Variants in EVL observed in about 807,000 individuals in gnomAD.
EVL encodes ena/VASP-like protein.
In EVL, 21 loss-of-function variants were observed where a neutral mutation model predicts 59.6. The observed-to-expected ratio is 0.35, with a 90% CI of 0.25 to 0.51. EVL has a LOEUF of 0.51. EVL is among the 20% of genes least tolerant of loss of function. EVL has a pLI of 0.97. For missense variants in EVL, 462 were observed against 546.6 expected (o/e 0.85, Z 1.54); for synonymous variants, 198 against 203.5 (o/e 0.97, Z 0.23).
chr14:100,095,676 G>T (rs1485545294), intron 2 of EVL, among the ~76,000 whole-genome samples: 1 of 152,196 alleles, frequency 6.6e-6, no homozygotes, highest in Non-Finnish European at 1.5e-5. Context: ...GCCAAAATAT[G>T]TGCCTGTCAA....
At chr14:99,990,871 G>C (rs1000065906) in intron 1 of EVL, among the ~76,000 whole-genome samples, 2 of 151,980 alleles carry the variant, frequency 1.3e-5, no homozygotes, top group South Asian at 4.2e-4. Flanking sequence ...ATACATACCC[G>C]GAAATGGTTC....
At chr14:99,979,794 G>C (rs927184707) in intron 1 of EVL, among the ~76,000 whole-genome samples, 1 of 152,166 alleles carries the variant, frequency 6.6e-6, no homozygotes, top group Non-Finnish European at 1.5e-5. Context: ...GTGCGAACCC[G>C]GGAGGCAGAG....
In EVL at chr14:99,988,628, T is replaced by C. The variant is rs895391386; in HGVS notation, c.5+16571T>C. Among the ~76,000 whole-genome samples, 9 of 152,322 alleles carry C rather than the reference T, an allele frequency of 5.9e-5. No individual in the cohort carries two copies. The South Asian group carries it at 6.2e-4, about 11-fold the overall frequency. ...AGAACATATGTCTACACAGAACTTA[T>C]ACACAAATGATCATAGCATTATTCA... On this transcript the variant is annotated intron_variant, in intron 1 of 13. Transcript: ENST00000402714.
At chr14:100,131,542 G>A (rs1219140852) in intron 7 of EVL, among the ~76,000 whole-genome samples, 2 of 152,222 alleles carry the variant, frequency 1.3e-5, no homozygotes, top group East Asian at 3.8e-4. Flanking sequence ...TGGACAGAAA[G>A]CTCCTGTTCA....
chr14:100,105,827 A>G (rs1453769580), intron 3 of EVL, among the ~76,000 whole-genome samples: 3 of 152,140 alleles, frequency 2.0e-5, no homozygotes, highest in Non-Finnish European at 4.4e-5. Context: ...TAGCAGCAGC[A>G]GCCGCTTGGC....
intron 1 of EVL, among the ~76,000 whole-genome samples, chr14:100,077,934 G>A (rs148207042): frequency 0.1 from 15,612 of 151,070 alleles, 1,513 homozygotes; most frequent in African/African-American, 0.25. Flanking sequence ...CACCATGCCC[G>A]GCTAATTTTT....
At chr14:100,105,471 A>T (rs1178100861) in intron 3 of EVL, among the ~76,000 whole-genome samples, 2 of 151,688 alleles carry the variant, frequency 1.3e-5, no homozygotes, top group Non-Finnish European at 2.9e-5. Context: ...CCTCATTTGG[A>T]AGACAGAGTA....
chr14:99,972,998 G>A lies in EVL; in HGVS notation c.5+941G>A, dbSNP rs1324121745. On this transcript the variant is annotated intron_variant, in intron 1 of 13. Transcript: ENST00000402714. This position sits in a 1 kb window ranked among gnomAD's most constrained non-coding sequence, Gnocchi z 4.4. Reference sequence around the variant, plus strand: ...AATCGTTATTTGTTCATTTTTATTGGTCTATAGTATTCTGTTGTAAGAATA... The same window carrying A: ...AATCGTTATTTGTTCATTTTTATTGATCTATAGTATTCTGTTGTAAGAATA... Among the ~76,000 whole-genome samples the A allele has an allele frequency of 6.6e-6, 1 of 151,934 alleles. No individual in the cohort carries two copies. The highest frequency in any genetic ancestry group is 1.5e-5 in the Non-Finnish European group (1 of 67,990).
intron 9 of EVL, 113 bp downstream of exon 9, chr14:100,136,081 GC>G: frequency 8.1e-7 from 1 of 1,231,084 alleles, no homozygotes; most frequent in Non-Finnish European, 1.2e-6. Flanking sequence ...TGAGCAGAGG[GC>G]CAGGCCACAG....
Position 100,129,543 on chromosome 14 carries a change from G to T in EVL, c.718-20G>T. ...TGCCATCAGCAGCAGAATCTAAAAC[G>T]CGGCCTCCTTTTTCCTCAGCCAGAA... On this transcript the variant is annotated intron_variant, in intron 6 of 13. Coordinates refer to ENST00000392920, the MANE Select transcript of EVL (RefSeq NM_016337.3). 6.2e-7 allele frequency: 1 copy of T among 1,612,590 alleles called. No homozygotes were observed. The highest frequency in any genetic ancestry group is 1.3e-5 in the African/African-American group (1 of 75,022).
chr14:100,124,215 G>C (rs1449882208), intron 4 of EVL, among the ~76,000 whole-genome samples: 2 of 152,192 alleles, frequency 1.3e-5, no homozygotes, highest in African/African-American at 4.8e-5. Flanking sequence ...TCTGTGTCGA[G>C]GGAGGTAGGG....
chr14:100,017,019 A>G (rs1212252), intron 1 of EVL, among the ~76,000 whole-genome samples: 13,364 of 152,268 alleles, frequency 0.088, 816 homozygotes, highest in East Asian at 0.29. Flanking sequence ...TGGTTGGATC[A>G]TTGGTGTAAG....
intron 3 of EVL, among the ~76,000 whole-genome samples, chr14:100,110,701 C>G (rs1266636305): frequency 6.6e-6 from 1 of 152,172 alleles, no homozygotes; most frequent in Admixed American, 6.5e-5. Flanking sequence ...TTCAGAGCAT[C>G]CCACCTGCAT....
At chr14:100,017,542 A>G (rs1032584543) in intron 1 of EVL, among the ~76,000 whole-genome samples, 8 of 152,220 alleles carry the variant, frequency 5.3e-5, no homozygotes, top group Non-Finnish European at 1.0e-4. Flanking sequence ...CAACACTCCT[A>G]TGAGAGAGGC....
chr14:99,998,932 G>A (rs1032566830), intron 1 of EVL, among the ~76,000 whole-genome samples: 9 of 151,766 alleles, frequency 5.9e-5, no homozygotes, highest in Non-Finnish European at 1.5e-5. Flanking sequence ...TACACTATGT[G>A]GTGTATAATA....
Position 100,006,811 on chromosome 14 carries a change from CA to C in EVL, c.5+34769del, listed in dbSNP as rs56007744. On this transcript the variant is annotated intron_variant, in intron 1 of 13. Transcript: ENST00000402714. Reference sequence around the variant, plus strand: ...TTTGTGTTGGAAGCAAGTAAAACATCAAAAAAAAAAAAAAAGGAGTTGTACA... The same window carrying C: ...TTTGTGTTGGAAGCAAGTAAAACATCAAAAAAAAAAAAAAGGAGTTGTACA... Among the ~76,000 whole-genome samples the C allele has an allele frequency of 4.6e-3, 588 of 127,698 alleles. 3 individuals carry two copies. Among genetic ancestry groups the C allele is most frequent in the East Asian group, 0.014 (64 of 4,600 alleles). The allele number at this position is 127,698 out of a possible 152,430, so 83.8% of individuals were successfully genotyped here.
chr14:100,128,522 C>T lies in EVL; in HGVS notation c.491C>T (p.Pro164Leu), dbSNP rs776280776. The change falls in exon 6 of 14, where the codon CCC becomes CTC. Residue 164 changes from proline (P) to leucine (L), a missense_variant. Physicochemically the swap from Pro to Leu is moderately conservative, Grantham distance 98. Coordinates refer to ENST00000392920, the MANE Select transcript of EVL (RefSeq NM_016337.3). ...SLERRTSATG[P>L]ILPPGHPSSA... ...GAGCCTCACTGTTGTGTTTCAGGGC[C>T]CATCCTCCCACCAGGACATCCTTCA... 6.2e-7 allele frequency: 1 copy of T among 1,611,702 alleles called. No homozygotes were observed. The highest frequency in any genetic ancestry group is 8.5e-7 in the Non-Finnish European group (1 of 1,179,844).
At chr14:100,103,187 A>ATTTTT (rs143706344) in intron 3 of EVL, among the ~76,000 whole-genome samples, 1 of 142,522 alleles carries the variant, frequency 7.0e-6, no homozygotes, top group African/African-American at 2.6e-5. Context: ...TTTCCCAGAG[A>ATTTTT]GTTTTTTTTT....
rs1888154407 is a variant in EVL, at chr14:100,127,532, A to G, written c.487+761A>G. ...GCTCCCCGGCCAGTCTGCATTTCTG[A>G]TGCAGGTCTGACACTGTCATCATGT... On this transcript the variant is annotated intron_variant, in intron 5 of 13. Coordinates refer to ENST00000392920, the MANE Select transcript of EVL (RefSeq NM_016337.3). The surrounding 1 kb of genome is among the most constrained non-coding windows in gnomAD (Gnocchi z 4.2). Among the ~76,000 whole-genome samples, 1 of 151,978 alleles carries G rather than the reference A, an allele frequency of 6.6e-6. No individual in the cohort carries two copies. Among genetic ancestry groups the G allele is most frequent in the Admixed American group, 6.5e-5 (1 of 15,270 alleles).
Sources: allele counts gnomAD v4.1 joint callset (sites outside exome capture counted in the v4.1 genomes callset), GRCh38; gene constraint gnomAD v4.1.1; non-coding constraint Gnocchi (gnomAD v3.1); transcripts MANE v1.5; gene names NCBI Gene and HGNC (gene_info 2026-07-23, HGNC 2026-07-21).